Variants in EPHA5 observed in about 807,000 individuals in gnomAD.
EPHA5 encodes ephrin type-A receptor 5.
A neutral mutation model predicts 105.0 loss-of-function variants in EPHA5; 60 were observed. The observed-to-expected ratio is 0.57, with a 90% CI of 0.46 to 0.71. The LOEUF (loss-of-function observed/expected upper bound fraction) is 0.71, where lower values mean the gene tolerates loss of function less well. Ranked by LOEUF, EPHA5 falls within the 30% of genes least tolerant of loss-of-function variation. The pLI, the probability that EPHA5 is intolerant of heterozygous loss-of-function variation, is 0.00. For missense variants in EPHA5, 1,218 were observed against 1,274.7 expected, an observed-to-expected ratio of 0.96 and a Z score of 0.68; for synonymous variants, 513 against 449.1, an observed-to-expected ratio of 1.14 and a Z score of -1.80.
intron 2 of EPHA5, among the ~76,000 whole-genome samples, chr4:65,631,803 A>G (rs1319531316): frequency 6.6e-6 from 1 of 151,934 alleles, no homozygotes. Flanking sequence ...TTTCCAATTT[A>G]TGAGTTTCTC....
At position 65,436,935 on chromosome 4, in the gene EPHA5, A is replaced by G. The variant is rs183384465; in HGVS notation, c.1403-16370T>C. 1.7e-3 allele frequency among the ~76,000 whole-genome samples: 251 copies of G among 152,022 alleles called. 1 individual carries two copies. The highest frequency in any genetic ancestry group is 5.8e-3 in the African/African-American group (239 of 41,532). ...CCAGGCTTTTGATCTAAATATTTTCATTATAATAACATAGTAGGGAAGAAA... is the reference window on the plus strand; with the variant it reads ...CCAGGCTTTTGATCTAAATATTTTCGTTATAATAACATAGTAGGGAAGAAA... On this transcript the variant is annotated intron_variant, in intron 5 of 16. Coordinates refer to ENST00000613740, the MANE Select transcript of EPHA5 (RefSeq NM_001281766.3).
At chr4:65,542,634 C>T (rs1244986851) in intron 3 of EPHA5, among the ~76,000 whole-genome samples, 1 of 152,010 alleles carries the variant, frequency 6.6e-6, no homozygotes, top group East Asian at 1.9e-4. Context: ...CCAAATTTTA[C>T]CAGAGGTACA....
intron 3 of EPHA5, among the ~76,000 whole-genome samples, chr4:65,570,433 G>GT (rs76276250): frequency 2.7e-3 from 403 of 147,060 alleles, no homozygotes; most frequent in African/African-American, 9.1e-3. Flanking sequence ...GATGGCCTTG[G>GT]TTTTTTTTTT....
intron 3 of EPHA5, among the ~76,000 whole-genome samples, chr4:65,543,269 A>G (rs1255995468): frequency 1.3e-5 from 2 of 152,012 alleles, no homozygotes; most frequent in Non-Finnish European, 2.9e-5. Flanking sequence ...ACAGGAAGAG[A>G]GGAAGTCAAA....
intron 5 of EPHA5, among the ~76,000 whole-genome samples, chr4:65,476,099 TGAGAGA>T (rs35934629): frequency 5.2e-4 from 72 of 138,228 alleles, no homozygotes; most frequent in East Asian, 3.3e-3. Flanking sequence ...TCAAAATCAC[TGAGAGA>T]GAGAGAGAGA....
chr4:65,363,466 T>C (rs887609366), intron 11 of EPHA5, among the ~76,000 whole-genome samples: 3 of 151,536 alleles, frequency 2.0e-5, no homozygotes, highest in East Asian at 1.9e-4. Flanking sequence ...TCCATGATAA[T>C]AACAGTAATC....
chr4:65,341,047 G>C (rs116562017), intron 14 of EPHA5, among the ~76,000 whole-genome samples: 1 of 151,746 alleles, frequency 6.6e-6, no homozygotes, highest in African/African-American at 2.4e-5. Flanking sequence ...CATCTATCCC[G>C]GCTTCCCTTC....
At chr4:65,433,526 C>A (rs1168811919) in intron 5 of EPHA5, among the ~76,000 whole-genome samples, 6 of 152,116 alleles carry the variant, frequency 3.9e-5, no homozygotes, top group Non-Finnish European at 8.8e-5. Context: ...TTCAACACAG[C>A]CTTGCCAAAG....
intron 3 of EPHA5, among the ~76,000 whole-genome samples, chr4:65,600,913 A>G (rs1192137259): frequency 6.6e-6 from 1 of 152,178 alleles, no homozygotes; most frequent in African/African-American, 2.4e-5. Context: ...TTTCAAAGGA[A>G]GAGAGAAGCA....
chr4:65,595,782 A>G (rs1012331897), intron 3 of EPHA5, among the ~76,000 whole-genome samples: 1 of 151,986 alleles, frequency 6.6e-6, no homozygotes, highest in African/African-American at 2.4e-5. Flanking sequence ...AGGTTTCACC[A>G]TGTTAGCCAG....
At position 65,670,017 on chromosome 4, in the gene EPHA5, G is replaced by A; in HGVS notation, c.-275C>T. The A allele has an allele frequency of 2.4e-6, 1 of 414,986 alleles. No homozygotes were observed. The highest frequency in any genetic ancestry group is 4.1e-6 in the Non-Finnish European group (1 of 244,826). The allele number at this position is 414,986 out of a possible 1,614,324, so 25.7% of individuals were successfully genotyped here. A position where few individuals can be genotyped will look rare whatever the true frequency, so the allele number is the denominator to read the frequency against. On this transcript the variant is annotated 5_prime_UTR_variant, in exon 1 of 17. Coordinates refer to ENST00000613740, the MANE Select transcript of EPHA5 (RefSeq NM_001281766.3). ...TCTGGACTCGGATCAAGGGTGTCGA[G>A]AGGGTCCTGGGTCCTGTTCCTTTGC...
intron 16 of EPHA5, chr4:65,331,109 C>T (rs1171160055): frequency 8.7e-6 from 9 of 1,038,218 alleles, no homozygotes; most frequent in Non-Finnish European, 1.0e-5. Flanking sequence ...GAATATTCTA[C>T]CATTTTCTAA....
chr4:65,383,711 A>G (rs1719810405), intron 8 of EPHA5, among the ~76,000 whole-genome samples: 1 of 151,798 alleles, frequency 6.6e-6, no homozygotes, highest in African/African-American at 2.4e-5. Context: ...GTATCTTCCT[A>G]CCAACTTATT....
chr4:65,642,636 A>G (rs1291110626), intron 2 of EPHA5, among the ~76,000 whole-genome samples: 1 of 152,044 alleles, frequency 6.6e-6, no homozygotes, highest in African/African-American at 2.4e-5. Context: ...ACAATGTGTT[A>G]TTTCCATAAT....
chr4:65,408,116 C>A (rs930461524), intron 7 of EPHA5, among the ~76,000 whole-genome samples: 3 of 151,918 alleles, frequency 2.0e-5, no homozygotes, highest in South Asian at 2.1e-4. Flanking sequence ...ATTGTTTATT[C>A]TTTTGTTGGA....
chr4:65,392,505 T>C (rs1012783073), intron 8 of EPHA5, among the ~76,000 whole-genome samples: 11 of 152,144 alleles, frequency 7.2e-5, no homozygotes, highest in African/African-American at 2.4e-4. Context: ...AATCATGTTA[T>C]AGATGCCAAA....
chr4:65,629,621 A>G (rs952590519), intron 2 of EPHA5, among the ~76,000 whole-genome samples: 4 of 152,222 alleles, frequency 2.6e-5, no homozygotes, highest in African/African-American at 9.6e-5. Flanking sequence ...AACTAAGTCA[A>G]TTTTATATTT....
At position 65,409,247 on chromosome 4, in the gene EPHA5, G is replaced by A. The variant is rs866304005; in HGVS notation, c.1688-4768C>T. On this transcript the variant is annotated intron_variant, in intron 7 of 16. Transcript: ENST00000613740. Reference sequence around the variant, plus strand: ...GGAGATATACCTAATGCTAGATGACGAGTTAGTGGGTGCAGCGCACCAGCA... The same window carrying A: ...GGAGATATACCTAATGCTAGATGACAAGTTAGTGGGTGCAGCGCACCAGCA... Among the ~76,000 whole-genome samples, 117 of 127,730 alleles carry A rather than the reference G, an allele frequency of 9.2e-4. 1 individual carries two copies. Among genetic ancestry groups the A allele is most frequent in the African/African-American group, 3.2e-3 (108 of 33,734 alleles). 83.8% of individuals were successfully genotyped at this position (127,730 alleles called of 152,430 possible). A position where few individuals can be genotyped will look rare whatever the true frequency, so the allele number is the denominator to read the frequency against.
intron 3 of EPHA5, among the ~76,000 whole-genome samples, chr4:65,508,751 T>A (rs1411459135): frequency 2.6e-5 from 4 of 152,056 alleles, no homozygotes; most frequent in African/African-American, 4.8e-5. Context: ...CAGTTTTTTT[T>A]AAAAGCATAG....
Sources: allele counts gnomAD v4.1 joint callset (sites outside exome capture counted in the v4.1 genomes callset), GRCh38; gene constraint gnomAD v4.1.1; transcripts MANE v1.5; gene names NCBI Gene and HGNC (gene_info 2026-07-23, HGNC 2026-07-21).